PIK3R5: variants seen among roughly 807,000 people sequenced by gnomAD.
The protein encoded by PIK3R5 is phosphoinositide 3-kinase regulatory subunit 5.
In PIK3R5, 32 loss-of-function variants were observed where a neutral mutation model predicts 94.9. The ratio of observed to expected loss-of-function variants is 0.34; its 90% confidence interval spans 0.25 to 0.45. The LOEUF is 0.45. Ranked by LOEUF, PIK3R5 falls within the 20% of genes least tolerant of loss-of-function variation. The pLI is 1.00. For missense variants in PIK3R5, 853 were observed against 1,144.6 expected (o/e 0.75, Z 3.68); for synonymous variants, 443 against 479.4 (o/e 0.92, Z 0.99).
intron 5 of PIK3R5, among the ~76,000 whole-genome samples, chr17:8,895,605 C>T (rs1376184489): frequency 6.6e-6 from 1 of 152,208 alleles, no homozygotes; most frequent in East Asian, 1.9e-4. Context: ...CAACCTTCTC[C>T]TTGAAGCTCC....
intron 2 of PIK3R5, among the ~76,000 whole-genome samples, chr17:8,910,589 G>C (rs1428405910): frequency 6.6e-6 from 1 of 152,142 alleles, no homozygotes; most frequent in Non-Finnish European, 1.5e-5. Context: ...GCCTGCGCAG[G>C]GTTGTAAAGC....
chr17:8,961,650 A>T (rs769444823), intron 1 of PIK3R5, among the ~76,000 whole-genome samples: 36 of 146,462 alleles, frequency 2.5e-4, no homozygotes, highest in Middle Eastern at 6.8e-3. Flanking sequence ...ATAATAATTT[A>T]AAAAAAAATG....
chr17:8,956,771 C>T (rs1597438181), intron 1 of PIK3R5, among the ~76,000 whole-genome samples: 1 of 152,200 alleles, frequency 6.6e-6, no homozygotes, highest in African/African-American at 2.4e-5. Flanking sequence ...CAATTCCCAG[C>T]TCAACCTGGA....
chr17:8,926,594 C>T (rs192751910), intron 1 of PIK3R5, among the ~76,000 whole-genome samples: 1 of 152,204 alleles, frequency 6.6e-6, no homozygotes, highest in East Asian at 1.9e-4. Flanking sequence ...AAAGTAAAAC[C>T]CCTGATAGAA....
intron 18 of PIK3R5, 45 bp downstream of exon 18, chr17:8,880,860 G>A (rs1409828437): frequency 6.2e-6 from 10 of 1,613,178 alleles, no homozygotes; most frequent in Non-Finnish European, 8.5e-6. Context: ...CTCTGGGTTG[G>A]TGGGAGCAGA....
At position 8,912,830 on chromosome 17, in the gene PIK3R5, A is replaced by G. The variant is rs995801890; in HGVS notation, c.-13-1323T>C. Reference sequence around the variant, plus strand: ...CTGCCTCCCCAGCCTGGGAGGCACCACTCGCCAAGTGAAAACTAAGCCCTT... The same window carrying G: ...CTGCCTCCCCAGCCTGGGAGGCACCGCTCGCCAAGTGAAAACTAAGCCCTT... On this transcript the variant is annotated intron_variant, in intron 1 of 18. Coordinates refer to ENST00000447110, the MANE Select transcript of PIK3R5 (RefSeq NM_001142633.3). Among the ~76,000 whole-genome samples the G allele has an allele frequency of 8.5e-5, 13 of 152,274 alleles. No individual in the cohort carries two copies. The South Asian group carries it at 1.7e-3, about 19-fold the overall frequency.
chr17:8,964,228 C>T (rs535985629), intron 1 of PIK3R5, among the ~76,000 whole-genome samples: 4 of 152,110 alleles, frequency 2.6e-5, no homozygotes, highest in Admixed American at 2.6e-4. Flanking sequence ...CCTGCCTCTA[C>T]AAAAAATACA....
In PIK3R5 at chr17:8,925,177, GTAGA is replaced by G. The variant is rs149622714; in HGVS notation, c.-13-13674_-13-13671del. 0.07 allele frequency among the ~76,000 whole-genome samples: 10,575 copies of G among 151,100 alleles called. 429 individuals are homozygous for G. Among genetic ancestry groups the G allele is most frequent in the Non-Finnish European group, 0.088 (5,964 of 67,786 alleles). On this transcript the variant is annotated intron_variant, in intron 1 of 18. Transcript: ENST00000447110. This position sits in a 1 kb window ranked among gnomAD's most constrained non-coding sequence, Gnocchi z 5.1. ...AGCTAGATAGTAGATGGATAGATGG[GTAGA>G]TAGATAGACAGAAAGTAGATGGATA...
At position 8,887,195 on chromosome 17, in the gene PIK3R5, C is replaced by G. The variant is rs779043172; in HGVS notation, c.1806G>C (p.Glu602Asp). 1.2e-6 allele frequency: 2 copies of G among 1,613,726 alleles called. No individual in the cohort carries two copies. The highest frequency in any genetic ancestry group is 2.7e-5 in the African/African-American group (2 of 74,880). The change falls in exon 12 of 19, where the codon GAG becomes GAC. Residue 602 changes from glutamate (E) to aspartate (D), a missense_variant. Glu to Asp is a conservative substitution (Grantham distance 45). Around this residue, in one of 6 missense-constraint regions of PIK3R5, gnomAD observed 173 missense variants for 274.1 expected, o/e 0.63. Coordinates refer to ENST00000447110, the MANE Select transcript of PIK3R5 (RefSeq NM_001142633.3). The stretch of plus-strand genomic sequence containing the variant: ...GGTAGTGGGAGATGTCATTGGTGCT[C>G]TCCTCCCATGGGGTGGTGCCCAGCT... The part of the protein sequence containing the change: ...PGELGTTPWE[E>D]STNDISHYLG...
intron 1 of PIK3R5, among the ~76,000 whole-genome samples, chr17:8,912,968 G>A (rs1378902568): frequency 6.6e-6 from 1 of 152,192 alleles, no homozygotes; most frequent in Non-Finnish European, 1.5e-5. Context: ...GTTCCATCAC[G>A]GGTTCACTGA....
chr17:8,905,406 T>C (rs1597391669), intron 4 of PIK3R5, among the ~76,000 whole-genome samples: 1 of 152,210 alleles, frequency 6.6e-6, no homozygotes, highest in Admixed American at 6.5e-5. Flanking sequence ...AGAATATCTC[T>C]TGTGGCCTGT....
chr17:8,905,824 A>T, intron 3 of PIK3R5, 87 bp from the exon 4 acceptor site: 2 of 646,094 alleles, frequency 3.1e-6, no homozygotes, highest in Non-Finnish European at 4.8e-6. Context: ...TCCTCATTCT[A>T]GCCTTTCTTT....
rs116273868 is a variant in PIK3R5, at chr17:8,926,847, T to G, written c.-13-15340A>C. Reference sequence around the variant, plus strand: ...TAAAAATAGGAATAATTTTTATTTTTTATTAAACATTTTTCATAATATATA... The same window carrying G: ...TAAAAATAGGAATAATTTTTATTTTGTATTAAACATTTTTCATAATATATA... On this transcript the variant is annotated intron_variant, in intron 1 of 18. Coordinates refer to ENST00000447110, the MANE Select transcript of PIK3R5 (RefSeq NM_001142633.3). 1.0e-2 allele frequency among the ~76,000 whole-genome samples: 1,517 copies of G among 152,276 alleles called. 25 individuals are homozygous for G. Among genetic ancestry groups the G allele is most frequent in the African/African-American group, 0.034 (1,432 of 41,542 alleles).
chr17:8,910,202 T>TG (rs1290325735), intron 2 of PIK3R5, among the ~76,000 whole-genome samples: 1 of 152,188 alleles, frequency 6.6e-6, no homozygotes, highest in African/African-American at 2.4e-5. Context: ...GGATTGAACT[T>TG]GAACTTCGTG....
intron 1 of PIK3R5, among the ~76,000 whole-genome samples, chr17:8,931,477 G>A (rs760883828): frequency 3.9e-5 from 6 of 152,126 alleles, no homozygotes; most frequent in Non-Finnish European, 7.3e-5. Context: ...ACACACAAGG[G>A]GAGCCTCTTG....
Position 8,889,935 on chromosome 17 carries a change from G to C in PIK3R5, c.811+38C>G. On this transcript the variant is annotated intron_variant, in intron 8 of 18. Transcript: ENST00000447110. This position sits in a 1 kb window ranked among gnomAD's most constrained non-coding sequence, Gnocchi z 4.1. ...ACCTTGGGACCTAGAATAGGCCATG[G>C]GGAATGTGGGAGAACCCCATTCTCC... 1.9e-6 allele frequency: 3 copies of C among 1,610,304 alleles called. No homozygotes were observed. The highest frequency in any genetic ancestry group is 2.5e-6 in the Non-Finnish European group (3 of 1,177,696).
In PIK3R5 at chr17:8,893,587, C is replaced by T. The variant is rs779424279; in HGVS notation, c.481G>A (p.Val161Ile). ...LPIRSHRSST[V>I]TVLLLNPVEV... ...TCTCCGTCCCCCAAGAGCACTCACA[C>T]GGTGGAGCTGCGGTGACTCCTGATG... Residue 161 changes from valine to isoleucine, a missense_variant and splice_region_variant, in exon 6 of 19, where the codon GTC (valine) becomes ATC (isoleucine). Val to Ile is a conservative substitution (Grantham distance 29, BLOSUM62 3). Around this residue, in one of 6 missense-constraint regions of PIK3R5, gnomAD observed 161 missense variants for 249.5 expected, o/e 0.65. Transcript: ENST00000447110. The surrounding 1 kb of genome is among the most constrained non-coding windows in gnomAD (Gnocchi z 5.1). 17 of 1,612,916 alleles carry T rather than the reference C, an allele frequency of 1.1e-5. 1 individual carries two copies. Among genetic ancestry groups the T allele is most frequent in the South Asian group, 7.7e-5 (7 of 91,046 alleles).
chr17:8,905,948 G>A (rs1032961040), intron 3 of PIK3R5, among the ~76,000 whole-genome samples: 2 of 150,868 alleles, frequency 1.3e-5, no homozygotes, highest in African/African-American at 4.9e-5. Context: ...CTGTTTCAAT[G>A]TCCCTCTTCT....
intron 1 of PIK3R5, among the ~76,000 whole-genome samples, chr17:8,957,534 T>C (rs2091484527): frequency 6.6e-6 from 1 of 152,258 alleles, no homozygotes; most frequent in Non-Finnish European, 1.5e-5. Flanking sequence ...ATCGCTATCC[T>C]GGTCACCTAT....
Sources: gnomAD v4.1 joint callset for allele counts (sites outside exome capture counted in the v4.1 genomes callset) on GRCh38, gnomAD v4.1.1 for gene constraint, gnomAD v4.1.1 regional missense constraint, Gnocchi (gnomAD v3.1) non-coding constraint, MANE v1.5 for transcripts, NCBI Gene and HGNC (gene_info 2026-07-23, HGNC 2026-07-21) for gene names.